DOCK2: variants seen among roughly 807,000 people sequenced by gnomAD.
The protein encoded by DOCK2 is dedicator of cytokinesis protein 2.
In DOCK2, 87 loss-of-function variants were observed where a neutral mutation model predicts 248.9. The ratio of observed to expected loss-of-function variants is 0.35; its 90% CI spans 0.29 to 0.42. The LOEUF is 0.42. Ranked by LOEUF, DOCK2 falls within the 10% of genes least tolerant of loss-of-function variation. The probability of loss-of-function intolerance (pLI) is 1.00; values close to 1 mark genes in which losing one functional copy is unlikely to be tolerated. For missense variants in DOCK2, 1,747 were observed against 2,300.2 expected, an observed-to-expected ratio of 0.76 and a Z score of 4.92; for synonymous variants, 805 against 821.6, an observed-to-expected ratio of 0.98 and a Z score of 0.35.
rs1466037789 is a variant in DOCK2 at position 169,864,149 on chromosome 5, C to A, written c.2799+23297C>A. Reference sequence around the variant, plus strand: ...CATCAGCTCCAAGGCTCTTCTGTTTCACAGGCCAAGGGGCTCACAGCCCAG... The same window carrying A: ...CATCAGCTCCAAGGCTCTTCTGTTTAACAGGCCAAGGGGCTCACAGCCCAG... On this transcript the variant is annotated intron_variant, in intron 27 of 51. Transcript: ENST00000520908. The A allele has an allele frequency of 3.5e-6, 3 of 856,478 alleles. No individual in the cohort carries two copies. The Admixed American group carries it at 7.6e-5, about 22-fold the overall frequency. 53.1% of individuals were successfully genotyped at this position (856,478 alleles called of 1,614,324 possible). A position where few individuals can be genotyped will look rare whatever the true frequency, so the allele number is the denominator to read the frequency against.
intron 25 of DOCK2, among the ~76,000 whole-genome samples, chr5:169,793,716 T>G (rs1766486632): frequency 1.3e-5 from 2 of 152,148 alleles, no homozygotes; most frequent in African/African-American, 4.8e-5. Context: ...CAGGGCCTGA[T>G]GAGACCTGGC....
Position 169,833,803 on chromosome 5 carries a change from A to T in DOCK2, c.2704-6954A>T, listed in dbSNP as rs554729156. Among the ~76,000 whole-genome samples, 3 of 152,324 alleles carry T rather than the reference A, an allele frequency of 2.0e-5. No homozygotes were observed. In the South Asian group the frequency reaches 6.2e-4, roughly 32 times the overall value. ...CGCACTGGTGGCCAGGCCTTCACAC[A>T]TCATGCAGGGATCAGACAATTCTTA... On this transcript the variant is annotated intron_variant, in intron 26 of 51. Transcript: ENST00000520908.
intron 27 of DOCK2, among the ~76,000 whole-genome samples, chr5:169,935,305 A>G (rs115642201): frequency 3.4e-3 from 525 of 152,352 alleles, no homozygotes; most frequent in Non-Finnish European, 5.7e-3. Context: ...GACCAAAAAA[A>G]GGTCTCATCT....
chr5:169,955,276 A>G (rs1776816529), intron 27 of DOCK2, among the ~76,000 whole-genome samples: 1 of 152,174 alleles, frequency 6.6e-6, no homozygotes, highest in Non-Finnish European at 1.5e-5. Context: ...GCATCTGGAC[A>G]GTGCCAGGCC....
chr5:169,640,783 C>T (rs1393451430), intron 1 of DOCK2, among the ~76,000 whole-genome samples: 1 of 152,200 alleles, frequency 6.6e-6, no homozygotes, highest in Non-Finnish European at 1.5e-5. Context: ...GGAGTTTCTT[C>T]AGATAAATAT....
intron 20 of DOCK2, among the ~76,000 whole-genome samples, chr5:169,716,504 A>G (rs944009899): frequency 1.3e-5 from 2 of 152,228 alleles, no homozygotes; most frequent in Non-Finnish European, 2.9e-5. Context: ...AGCATGAGGC[A>G]TTGTGGGTGA....
At chr5:169,973,787 A>G (rs540664459) in intron 27 of DOCK2, among the ~76,000 whole-genome samples, 2 of 152,296 alleles carry the variant, frequency 1.3e-5, no homozygotes, top group African/African-American at 4.8e-5. Context: ...GGTTCTGTCT[A>G]TGTAACTGTG....
chr5:169,653,001 G>A (rs1203484328), intron 1 of DOCK2, among the ~76,000 whole-genome samples: 1 of 152,208 alleles, frequency 6.6e-6, no homozygotes, highest in African/African-American at 2.4e-5. Flanking sequence ...TAGAGGAGTA[G>A]GAAAGAGCAT....
At chr5:169,929,966 T>C (rs966327390) in intron 27 of DOCK2, among the ~76,000 whole-genome samples, 9 of 152,130 alleles carry the variant, frequency 5.9e-5, no homozygotes, top group African/African-American at 2.2e-4. Flanking sequence ...GACTGAAGAA[T>C]AGAACTTTAT....
At chr5:169,955,893 A>AT (rs1267641801) in intron 27 of DOCK2, among the ~76,000 whole-genome samples, 3 of 152,172 alleles carry the variant, frequency 2.0e-5, no homozygotes, top group Middle Eastern at 3.2e-3. Flanking sequence ...GACATGGCTC[A>AT]TTGTACTGCT....
At chr5:169,650,650 G>A (rs554062685) in intron 1 of DOCK2, among the ~76,000 whole-genome samples, 1 of 152,190 alleles carries the variant, frequency 6.6e-6, no homozygotes, top group Non-Finnish European at 1.5e-5. Flanking sequence ...TAGCAGTCCG[G>A]TGGCTTGCCA....
At chr5:169,873,472 G>A (rs1001304189) in intron 27 of DOCK2, among the ~76,000 whole-genome samples, 5 of 152,180 alleles carry the variant, frequency 3.3e-5, no homozygotes, top group African/African-American at 9.7e-5. Flanking sequence ...GATGAGAGCT[G>A]CAAATGCATC....
chr5:170,080,296 C>T lies in DOCK2; in HGVS notation c.5287+13C>T. The stretch of plus-strand genomic sequence containing the variant: ...CCTACCATCCCAGGTATGCCCCCTG[C>T]TGCCACCAGCATGAGGGAGTAGAGA... On this transcript the variant is annotated intron_variant, in intron 50 of 51. Transcript: ENST00000520908. The T allele has an allele frequency of 6.2e-7, 1 of 1,613,944 alleles. No homozygotes were observed. Among genetic ancestry groups the T allele is most frequent in the Non-Finnish European group, 8.5e-7 (1 of 1,179,870 alleles).
intron 36 of DOCK2, 70 bp downstream of exon 36, chr5:170,036,625 C>T: frequency 6.9e-7 from 1 of 1,458,892 alleles, no homozygotes; most frequent in African/African-American, 1.4e-5. Context: ...TCGATGGCTC[C>T]CTGCTGCCTT....
chr5:170,004,164 ACAACC>A (rs892627365), intron 30 of DOCK2, among the ~76,000 whole-genome samples: 38 of 152,266 alleles, frequency 2.5e-4, no homozygotes, highest in Admixed American at 2.4e-3. Flanking sequence ...AAGACTGGAA[ACAACC>A]CAAATGACCA....
intron 27 of DOCK2, among the ~76,000 whole-genome samples, chr5:169,982,825 T>G (rs1245670474): frequency 1.3e-5 from 2 of 152,356 alleles, no homozygotes; most frequent in East Asian, 3.9e-4. Flanking sequence ...GTCTCCATGA[T>G]TTTGAAATAG....
At chr5:169,880,328 A>T (rs1216994414) in intron 27 of DOCK2, among the ~76,000 whole-genome samples, 1 of 152,270 alleles carries the variant, frequency 6.6e-6, no homozygotes, top group African/African-American at 2.4e-5. Flanking sequence ...TTCCAGGCAT[A>T]TGGTCTCTTA....
intron 33 of DOCK2, among the ~76,000 whole-genome samples, chr5:170,020,203 G>A (rs559362480): frequency 6.6e-6 from 1 of 152,200 alleles, no homozygotes; most frequent in Admixed American, 6.5e-5. Context: ...CACCTGAATG[G>A]CATTGCCTCT....
chr5:170,008,560 C>T lies in DOCK2; in HGVS notation c.3136C>T (p.Gln1046Ter). 1 of 1,614,156 alleles carries T rather than the reference C, an allele frequency of 6.2e-7. No individual in the cohort carries two copies. The highest frequency in any genetic ancestry group is 8.5e-7 in the Non-Finnish European group (1 of 1,179,988). ...CACCCAGGATTCTCTGCAGCTGGAG[C>T]AGTTCTCACACGCCAAATACAACAA... is the stretch of plus-strand genomic sequence containing the variant. ...FITQDSLQLE[Q>*]FSHAKYNKIL... The change falls in exon 31 of 52, where the codon CAG becomes TAG. Residue 1046 changes from glutamine (Q) to a stop codon, truncating the protein, a stop_gained. Coordinates refer to ENST00000520908, the MANE Select transcript of DOCK2 (RefSeq NM_004946.3). LOFTEE classifies it high-confidence loss of function.
Sources: allele counts gnomAD v4.1 joint callset (sites outside exome capture counted in the v4.1 genomes callset), GRCh38; gene constraint gnomAD v4.1.1; transcripts MANE v1.5; gene names NCBI Gene and HGNC (gene_info 2026-07-23, HGNC 2026-07-21).